The following ETV1 variants were observed in gnomAD, a reference collection of about 807,000 sequenced individuals.
The protein encoded by ETV1 is ETS variant transcription factor 1.
A neutral mutation model predicts 62.3 loss-of-function variants in ETV1; 27 were observed. The observed-to-expected ratio is 0.43, with a 90% CI of 0.32 to 0.60. The LOEUF (loss-of-function observed/expected upper bound fraction) is 0.60, where lower values mean the gene tolerates loss of function less well. Ranked by LOEUF, ETV1 falls within the 20% of genes least tolerant of loss-of-function variation. The pLI, the probability that ETV1 is intolerant of heterozygous loss-of-function variation, is 0.06. For synonymous variants in ETV1, 222 were observed against 199.6 expected, an observed-to-expected ratio of 1.11 and a Z score of -0.94; for missense variants, 605 against 605.8, an observed-to-expected ratio of 1.00 and a Z score of 0.01.
chr7:13,944,973 A>G lies in ETV1; in HGVS notation c.236-5727T>C, dbSNP rs564611539. On this transcript the variant is annotated intron_variant, in intron 6 of 13. Coordinates refer to ENST00000430479, the MANE Select transcript of ETV1 (RefSeq NM_004956.5). ...TGCCAGAGGTTCCCAGGAAACTACC[A>G]GAAGCTAGGGAAGAGGCAGGGAATA... is the stretch of plus-strand genomic sequence containing the variant. Among the ~76,000 whole-genome samples the G allele has an allele frequency of 5.8e-4, 89 of 152,296 alleles. 2 individuals are homozygous for G. The South Asian group carries it at 0.018, about 31-fold the overall frequency.
chr7:13,948,853 C>T (rs746233700), intron 6 of ETV1, among the ~76,000 whole-genome samples: 14 of 152,150 alleles, frequency 9.2e-5, no homozygotes, highest in Non-Finnish European at 1.8e-4. Context: ...ACAAAGGACA[C>T]TTAATTTTAA....
chr7:13,915,246 A>G (rs910263334), intron 9 of ETV1, among the ~76,000 whole-genome samples: 3 of 151,966 alleles, frequency 2.0e-5, no homozygotes, highest in African/African-American at 7.2e-5. Context: ...TGTCTATTGT[A>G]TATTGATGAT....
chr7:13,907,803 T>G, intron 11 of ETV1: 4 of 470,348 alleles, frequency 8.5e-6, no homozygotes, highest in South Asian at 6.2e-5. Context: ...CTATGGTCAG[T>G]AGAGAGACAT....
chr7:13,949,178 C>A (rs1282176912), intron 6 of ETV1, among the ~76,000 whole-genome samples: 2 of 151,600 alleles, frequency 1.3e-5, no homozygotes, highest in Non-Finnish European at 2.9e-5. Context: ...AAAAAAAAAT[C>A]TCTGTAAAAG....
At chr7:13,935,150 C>T (rs1174619510) in intron 8 of ETV1, among the ~76,000 whole-genome samples, 1 of 152,162 alleles carries the variant, frequency 6.6e-6, no homozygotes, top group Non-Finnish European at 1.5e-5. Flanking sequence ...CTAAGTAATA[C>T]TAATTGAGTC....
intron 6 of ETV1, among the ~76,000 whole-genome samples, chr7:13,947,641 G>C (rs968033123): frequency 2.0e-5 from 3 of 152,158 alleles, no homozygotes; most frequent in Admixed American, 2.0e-4. Flanking sequence ...GAACTCTTGA[G>C]TATATAATTC....
chr7:13,966,339 G>A (rs1780283189), intron 6 of ETV1, among the ~76,000 whole-genome samples: 1 of 152,070 alleles, frequency 6.6e-6, no homozygotes, highest in South Asian at 2.1e-4. Context: ...GTTAAAATAA[G>A]TATAAAATTA....
Position 13,895,063 on chromosome 7 carries a change from A to G in ETV1, c.*803T>C, listed in dbSNP as rs3735344. 91,455 of 232,876 alleles carry G rather than the reference A, an allele frequency of 0.39. 18,276 individuals are homozygous for G. Among genetic ancestry groups the G allele is most frequent in the Non-Finnish European group, 0.42 (49,285 of 117,684 alleles). 14.4% of individuals were successfully genotyped at this position (232,876 alleles called of 1,614,324 possible). ...AATGAAGATTCCAAAGGACCATGAC[A>G]TGTCATTATTTAACTGAAATGGGCT... On this transcript the variant is annotated 3_prime_UTR_variant, in exon 14 of 14. Coordinates refer to ENST00000430479, the MANE Select transcript of ETV1 (RefSeq NM_004956.5).
intron 12 of ETV1, among the ~76,000 whole-genome samples, chr7:13,901,950 C>T (rs1782480260): frequency 1.3e-5 from 2 of 152,096 alleles, no homozygotes; most frequent in South Asian, 2.1e-4. Flanking sequence ...AAAAAATCCT[C>T]TCTCCTCAAT....
At chr7:13,956,311 A>G (rs1789455034) in intron 6 of ETV1, among the ~76,000 whole-genome samples, 1 of 150,222 alleles carries the variant, frequency 6.7e-6, no homozygotes, top group Non-Finnish European at 1.5e-5. Flanking sequence ...CCCAGCTGCT[A>G]GTTCACAGGA....
chr7:13,966,696 C>A (rs1029064096), intron 6 of ETV1, among the ~76,000 whole-genome samples: 1 of 151,980 alleles, frequency 6.6e-6, no homozygotes, highest in African/African-American at 2.4e-5. Context: ...TACATGAAAC[C>A]TAAGCACATT....
chr7:13,898,052 T>G (rs1483990160), intron 13 of ETV1, among the ~76,000 whole-genome samples: 1 of 152,220 alleles, frequency 6.6e-6, no homozygotes, highest in South Asian at 2.1e-4. Context: ...CTTCCTTCTG[T>G]ATTGCTTTTG....
intron 9 of ETV1, among the ~76,000 whole-genome samples, chr7:13,918,849 A>T (rs897424441): frequency 1.4e-5 from 2 of 143,584 alleles, no homozygotes; most frequent in Non-Finnish European, 3.0e-5. Flanking sequence ...CAATGTGCAC[A>T]TGTACCCTAA....
At chr7:13,930,023 C>A (rs936432402) in intron 9 of ETV1, among the ~76,000 whole-genome samples, 4 of 152,142 alleles carry the variant, frequency 2.6e-5, no homozygotes, top group African/African-American at 9.7e-5. Context: ...ATACTCCCTT[C>A]ATAAAGAATG....
intron 9 of ETV1, among the ~76,000 whole-genome samples, chr7:13,925,848 G>A (rs914110346): frequency 1.3e-5 from 2 of 151,662 alleles, no homozygotes; most frequent in African/African-American, 4.9e-5. Flanking sequence ...GAGCCACCGC[G>A]CCTGGCCCGA....
intron 9 of ETV1, among the ~76,000 whole-genome samples, chr7:13,927,166 C>T (rs921759809): frequency 1.3e-5 from 2 of 152,076 alleles, no homozygotes; most frequent in Non-Finnish European, 2.9e-5. Flanking sequence ...ATGCTTTTTA[C>T]GGCAGGGTGC....
At chr7:13,988,925 C>T (rs1337962428) in intron 3 of ETV1, 83 bp downstream of exon 3, 3 of 1,062,470 alleles carry the variant, frequency 2.8e-6, no homozygotes, top group Admixed American at 2.1e-5. Flanking sequence ...AACCCCCGTG[C>T]CCCCTCCCTT....
chr7:13,977,304 G>A (rs1679685286), intron 6 of ETV1, 123 bp downstream of exon 6: 1 of 606,482 alleles, frequency 1.6e-6, no homozygotes. Context: ...ATGGCTGTAA[G>A]TTAAAAAGGT....
At chr7:13,989,775 G>C (rs935381520), upstream of ETV1, 6 of 395,768 alleles carry the variant, frequency 1.5e-5, no homozygotes, top group Non-Finnish European at 2.2e-5. Context: ...CACAAGATCA[G>C]ATTTCGGGCT....
Sources: allele counts gnomAD v4.1 joint callset (sites outside exome capture counted in the v4.1 genomes callset), GRCh38; gene constraint gnomAD v4.1.1; transcripts MANE v1.5; gene names NCBI Gene and HGNC (gene_info 2026-07-23, HGNC 2026-07-21).